Variants in CCDC73 observed in about 807,000 individuals in gnomAD.
CCDC73 encodes the protein coiled-coil domain-containing protein 73.
A neutral mutation model predicts 116.5 loss-of-function variants in CCDC73; 95 were observed. The ratio of observed to expected loss-of-function variants is 0.82; its 90% confidence interval spans 0.69 to 0.97. The LOEUF is 0.97. Ranked by LOEUF, CCDC73 falls within the 50% of genes least tolerant of loss-of-function variation. The probability of loss-of-function intolerance (pLI) is 0.00; values close to 1 mark genes in which losing one functional copy is unlikely to be tolerated. For missense variants in CCDC73, 1,066 were observed against 1,206.8 expected (o/e 0.88, Z 1.73); for synonymous variants, 398 against 401.3 (o/e 0.99, Z 0.10).
intron 2 of CCDC73, among the ~76,000 whole-genome samples, chr11:32,742,955 C>T (rs984814096): frequency 5.9e-5 from 9 of 152,180 alleles, no homozygotes; most frequent in African/African-American, 2.2e-4. Context: ...TGTCAAAGAT[C>T]AGATGGTGGT....
At chr11:32,765,097 C>T (rs1850428969) in intron 1 of CCDC73, among the ~76,000 whole-genome samples, 1 of 152,196 alleles carries the variant, frequency 6.6e-6, no homozygotes, top group African/African-American at 2.4e-5. Flanking sequence ...AATACAGGAT[C>T]ACCCAGATTC....
chr11:32,829,103 AAAAGAAAAAAGG>A, the CCDC73 span, among the ~76,000 whole-genome samples: 1 of 152,242 alleles, frequency 6.6e-6, no homozygotes, highest in African/African-American at 2.4e-5. Flanking sequence ...CCTACTCTGA[AAAAGAAAAAAGG>A]AAAGAAAAAA....
chr11:32,611,904 G>A (rs1855425734), intron 16 of CCDC73, among the ~76,000 whole-genome samples: 1 of 151,966 alleles, frequency 6.6e-6, no homozygotes, highest in East Asian at 1.9e-4. Flanking sequence ...TTACAAGAAA[G>A]GACTTCAAAA....
At chr11:32,760,576 T>C (rs1413623434) in intron 1 of CCDC73, among the ~76,000 whole-genome samples, 1 of 152,232 alleles carries the variant, frequency 6.6e-6, no homozygotes, top group Non-Finnish European at 1.5e-5. Context: ...AAAGCTGGGA[T>C]ACACATTCTG....
the CCDC73 span, among the ~76,000 whole-genome samples, chr11:32,811,287 C>T: frequency 2.0e-5 from 3 of 152,166 alleles, no homozygotes; most frequent in African/African-American, 7.2e-5. Context: ...TTTGCTTATC[C>T]TTATAGTTTT....
intron 9 of CCDC73, among the ~76,000 whole-genome samples, chr11:32,662,133 T>C (rs1156482787): frequency 3.9e-5 from 6 of 152,206 alleles, no homozygotes; most frequent in Admixed American, 3.3e-4. Flanking sequence ...TGAATAGTGC[T>C]GCAATAAACA....
chr11:32,746,423 G>C lies in CCDC73; in HGVS notation c.135+13686C>G, dbSNP rs11529261. Among the ~76,000 whole-genome samples the C allele has an allele frequency of 1.6e-4, 24 of 152,278 alleles. No homozygotes were observed. The East Asian group carries it at 4.4e-3, about 28-fold the overall frequency. On this transcript the variant is annotated intron_variant, in intron 2 of 17. Transcript: ENST00000335185. ...TGTGTCTTGGGGATGCTCTTCTCAAGGAGTATCTTTGTGGTGTTCTCTGTA... is the reference window on the plus strand; with the variant it reads ...TGTGTCTTGGGGATGCTCTTCTCAACGAGTATCTTTGTGGTGTTCTCTGTA...
chr11:32,819,767 C>A, the CCDC73 span, among the ~76,000 whole-genome samples: 1 of 152,040 alleles, frequency 6.6e-6, no homozygotes. Flanking sequence ...AACCAAGAGG[C>A]TATTTTTAAA....
intron 2 of CCDC73, among the ~76,000 whole-genome samples, chr11:32,723,583 AG>A (rs1367073354): frequency 3.3e-5 from 5 of 152,208 alleles, no homozygotes; most frequent in African/African-American, 1.2e-4. Context: ...AAATCTGTTC[AG>A]GGTCAAGAAT....
At chr11:32,645,123 T>A (rs1214925052) in intron 12 of CCDC73, among the ~76,000 whole-genome samples, 3 of 152,070 alleles carry the variant, frequency 2.0e-5, no homozygotes, top group Non-Finnish European at 4.4e-5. Context: ...GTCAGGATTA[T>A]CCATATTATG....
chr11:32,603,304 AG>A, intron 17 of CCDC73: 1 of 282,598 alleles, frequency 3.5e-6, no homozygotes, highest in Non-Finnish European at 6.5e-6. Context: ...TTGAAGAAAC[AG>A]GAAGGGCAGT....
intron 1 of CCDC73, among the ~76,000 whole-genome samples, chr11:32,779,513 A>G (rs1850564533): frequency 6.6e-6 from 1 of 152,186 alleles, no homozygotes; most frequent in Non-Finnish European, 1.5e-5. Context: ...TACATTCTCA[A>G]TAGGCTGTCA....
intron 3 of CCDC73, among the ~76,000 whole-genome samples, chr11:32,711,452 A>G (rs540519931): frequency 6.6e-6 from 1 of 152,308 alleles, no homozygotes; most frequent in Non-Finnish European, 1.5e-5. Flanking sequence ...ACAGAATACT[A>G]CTTAGCCATA....
At chr11:32,619,593 A>T (rs1355006596) in intron 14 of CCDC73, among the ~76,000 whole-genome samples, 3 of 152,106 alleles carry the variant, frequency 2.0e-5, no homozygotes, top group African/African-American at 7.2e-5. Flanking sequence ...GGAGTGGTTA[A>T]GCTCAGGAGT....
In CCDC73 at chr11:32,699,252, T is replaced by C; in HGVS notation, c.389A>G (p.Gln130Arg). Reference protein sequence around the residue: ...EGLKETLKALQVSKYSLQKKV... With the variant: ...EGLKETLKALRVSKYSLQKKV... The stretch of plus-strand genomic sequence containing the variant: ...TAAACAATACGTAGTTATTTTTACC[T>C]GTAGTGCTTTTAATGTTTCCTTCAA... The change falls in exon 6 of 18, where the codon CAG (glutamine) becomes CGG (arginine). Residue 130 changes from glutamine (Q) to arginine (R), a missense_variant and splice_region_variant. By Grantham distance (43) the Gln-to-Arg change is conservative. Transcript: ENST00000335185. 1 of 1,580,066 alleles carries C rather than the reference T, an allele frequency of 6.3e-7. No homozygotes were observed. Among genetic ancestry groups the C allele is most frequent in the Non-Finnish European group, 8.6e-7 (1 of 1,159,386 alleles).
Position 32,640,983 on chromosome 11 carries a change from T to C in CCDC73, c.1050+989A>G, listed in dbSNP as rs534065174. ...GTGAGCAGAGATCCGTCCACGGCAC[T>C]CTAGCCTGGGGGACAGAGTGAGACT... On this transcript the variant is annotated intron_variant, in intron 13 of 17. Coordinates refer to ENST00000335185, the MANE Select transcript of CCDC73 (RefSeq NM_001008391.4). Among the ~76,000 whole-genome samples, 19 of 151,446 alleles carry C rather than the reference T, an allele frequency of 1.3e-4. No individual in the cohort carries two copies. In the South Asian group the frequency reaches 3.6e-3, roughly 28 times the overall value.
intron 9 of CCDC73, among the ~76,000 whole-genome samples, chr11:32,673,972 A>T (rs1475571310): frequency 6.6e-6 from 1 of 152,134 alleles, no homozygotes; most frequent in Non-Finnish European, 1.5e-5. Context: ...GGCCAGCCTG[A>T]AGTTATCTCA....
intron 7 of CCDC73, chr11:32,680,873 T>C (rs1856137363): frequency 6.6e-6 from 1 of 152,022 alleles, no homozygotes; most frequent in Non-Finnish European, 1.5e-5. Context: ...TAAAACTCAA[T>C]TTTCAAAAAT....
intron 9 of CCDC73, among the ~76,000 whole-genome samples, chr11:32,665,482 CCT>C (rs1855971940): frequency 6.6e-6 from 1 of 152,008 alleles, no homozygotes; most frequent in African/African-American, 2.4e-5. Flanking sequence ...GATTGCAACC[CCT>C]GTCTTTTTTT....
Sources: gnomAD v4.1 joint callset for allele counts (sites outside exome capture counted in the v4.1 genomes callset) on GRCh38, gnomAD v4.1.1 for gene constraint, MANE v1.5 for transcripts, NCBI Gene and HGNC (gene_info 2026-07-23, HGNC 2026-07-21) for gene names.